The following APEH variants were observed in gnomAD, a reference collection of about 807,000 sequenced individuals.
APEH encodes the protein acylaminoacyl-peptide hydrolase.
APEH carries 75 observed loss-of-function variants against 102.7 expected under a neutral mutation model. The ratio of observed to expected loss-of-function variants is 0.73; its 90% CI spans 0.61 to 0.89. The LOEUF (loss-of-function observed/expected upper bound fraction) is 0.89. APEH is among the 40% of genes least tolerant of loss of function. The pLI is 0.00. For missense variants in APEH, 863 were observed against 941.2 expected (o/e 0.92, Z 1.09); for synonymous variants, 344 against 362.7 (o/e 0.95, Z 0.59).
At chr3:49,682,199 G>T in intron 17 of APEH, 149 bp from the exon 18 acceptor site, 1 of 918,614 alleles carries the variant, frequency 1.1e-6, no homozygotes, top group Non-Finnish European at 1.7e-6. Context: ...CTGGGTGGCA[G>T]CCTCAAATCT....
upstream of APEH, among the ~76,000 whole-genome samples, chr3:49,673,371 C>G (rs1175019132): frequency 6.6e-6 from 1 of 152,050 alleles, no homozygotes; most frequent in African/African-American, 2.4e-5. Flanking sequence ...GTTTTTTCCA[C>G]AGGAAGCTCC....
In APEH at chr3:49,674,707, A is replaced by G; in HGVS notation, c.145+86A>G. ...GGGTGTGGAGGGCTCGCTGCTTGAC[A>G]GTGCGTAAGGGTATATAGGGAGCCG... On this transcript the variant is annotated intron_variant, in intron 2 of 21. Coordinates refer to ENST00000296456, the MANE Select transcript of APEH (RefSeq NM_001640.4). 1 of 1,523,418 alleles carries G rather than the reference A, an allele frequency of 6.6e-7. No individual in the cohort carries two copies. Among genetic ancestry groups the G allele is most frequent in the South Asian group, 1.2e-5 (1 of 83,616 alleles). The allele number at this position is 1,523,418 out of a possible 1,614,324, so 94.4% of individuals were successfully genotyped here. A position where few individuals can be genotyped will look rare whatever the true frequency, so the allele number is the denominator to read the frequency against.
At position 49,674,540 on chromosome 3, in the gene APEH, C is replaced by T. The variant is rs2052926743; in HGVS notation, c.64C>T (p.Arg22Cys). ...EAAALYRGLS[R>C]QPALSAACLG... is the part of the protein sequence containing the mutation. ...GGCGGCTCTGTATCGGGGCCTTAGC[C>T]GCCAGCCCGCGCTGAGCGCCGCCTG... The change falls in exon 2 of 22, where the codon CGC becomes TGC. Residue 22 changes from arginine to cysteine, a missense_variant. Transcript: ENST00000296456. 1.9e-6 allele frequency: 3 copies of T among 1,564,524 alleles called. No individual in the cohort carries two copies. The highest frequency in any genetic ancestry group is 1.3e-5 in the African/African-American group (1 of 74,672).
Position 49,679,736 on chromosome 3 carries a change from T to C in APEH, c.1210+92T>C, listed in dbSNP as rs2053234322. The C allele has an allele frequency of 7.5e-7, 1 of 1,337,468 alleles. No homozygotes were observed. 82.9% of individuals were successfully genotyped at this position (1,337,468 alleles called of 1,614,324 possible). On this transcript the variant is annotated intron_variant, in intron 13 of 21. Transcript: ENST00000296456. This position sits in a 1 kb window ranked among gnomAD's most constrained non-coding sequence, Gnocchi z 4.3. Reference sequence around the variant, plus strand: ...ACTGGAGCTCCAACATGTGGGGCAGTGATGGCATTCTCAGCCACTCAGCAC... The same window carrying C: ...ACTGGAGCTCCAACATGTGGGGCAGCGATGGCATTCTCAGCCACTCAGCAC...
upstream of APEH, chr3:49,674,135 C>A: frequency 3.7e-6 from 2 of 537,388 alleles, no homozygotes; most frequent in South Asian, 4.8e-5. Context: ...ACTCAGCCCA[C>A]GGCCCCGCCC....
chr3:49,675,565 G>T, intron 3 of APEH, 129 bp from the exon 4 acceptor site: 1 of 1,048,392 alleles, frequency 9.5e-7, no homozygotes. Flanking sequence ...GGCAAGGTGG[G>T]GCTAGAGGTG....
chr3:49,673,687 C>T (rs952581593), upstream of APEH, among the ~76,000 whole-genome samples: 3 of 152,196 alleles, frequency 2.0e-5, no homozygotes, highest in Non-Finnish European at 2.9e-5. Context: ...AGGGCAGGGC[C>T]TGGCACTGTG....
In APEH at chr3:49,682,795, C is replaced by T. The variant is rs1377490007; in HGVS notation, c.1884-48C>T. The stretch of plus-strand genomic sequence containing the variant: ...CCTCTACCTCAAATTCTCATGGAGC[C>T]CCGTAGCCCCAGAATTCCTGGGGCT... On this transcript the variant is annotated intron_variant, in intron 19 of 21. Transcript: ENST00000296456. 4 of 1,613,448 alleles carry T rather than the reference C, an allele frequency of 2.5e-6. No homozygotes were observed. The South Asian group carries it at 3.3e-5, about 13-fold the overall frequency.
rs565104019 is a variant in APEH, at chr3:49,675,465, A to G, written c.272+156A>G. ...TTTCTGGTGACATGGCCTGATAAGCACTGGAAGCTTGCTCCAAACTCAGCC... is the reference window on the plus strand; with the variant it reads ...TTTCTGGTGACATGGCCTGATAAGCGCTGGAAGCTTGCTCCAAACTCAGCC... On this transcript the variant is annotated intron_variant, in intron 3 of 21. Transcript: ENST00000296456. The G allele has an allele frequency of 9.3e-6, 11 of 1,178,728 alleles. No individual in the cohort carries two copies. In the Admixed American group the frequency reaches 2.6e-4, roughly 28 times the overall value. 73.0% of individuals were successfully genotyped at this position (1,178,728 alleles called of 1,614,324 possible). A position where few individuals can be genotyped will look rare whatever the true frequency, so the allele number is the denominator to read the frequency against.
rs1361495309 is a variant in APEH, at chr3:49,678,870, A to C, written c.1079A>C (p.Tyr360Ser). The change falls in exon 12 of 22, where the codon TAC becomes TCC. Residue 360 changes from tyrosine to serine, a missense_variant. Coordinates refer to ENST00000296456, the MANE Select transcript of APEH (RefSeq NM_001640.4). The stretch of plus-strand genomic sequence containing the variant: ...TTTACAGAGAACTTCTCTGGGATCT[A>C]CTGCAGCCTTCTGCCTTTGGGATGC... ...RQLGENFSGI[Y>S]CSLLPLGCWS... is the part of the protein sequence containing the mutation. 1 of 1,613,504 alleles carries C rather than the reference A, an allele frequency of 6.2e-7. No individual in the cohort carries two copies. The highest frequency in any genetic ancestry group is 1.3e-5 in the African/African-American group (1 of 74,866).
intron 11 of APEH, among the ~76,000 whole-genome samples, chr3:49,678,134 G>C (rs532824704): frequency 2.1e-4 from 32 of 152,286 alleles, no homozygotes; most frequent in African/African-American, 7.2e-4. Context: ...TGGCTGAGAG[G>C]CTCCCGTCTC....
intron 15 of APEH, 105 bp from the exon 16 acceptor site, chr3:49,681,617 C>T: frequency 9.2e-7 from 1 of 1,085,952 alleles, no homozygotes; most frequent in Non-Finnish European, 1.3e-6. Flanking sequence ...CTACCTTGGC[C>T]AGGTCTCTGA....
chr3:49,675,585 C>T, intron 3 of APEH, 109 bp from the exon 4 acceptor site: 1 of 1,171,896 alleles, frequency 8.5e-7, no homozygotes, highest in Non-Finnish European at 1.3e-6. Flanking sequence ...GCTCCAGAAG[C>T]TGGTGTGGGG....
At chr3:49,675,439 GT>G in intron 3 of APEH, 130 bp downstream of exon 3, 2 of 1,349,794 alleles carry the variant, frequency 1.5e-6, no homozygotes, top group Non-Finnish European at 1.0e-6. Context: ...AGCTCATTCA[GT>G]TTCTGGTGAC....
rs775850110 is a variant in APEH at position 49,675,231 on chromosome 3, G to A, written c.194G>A (p.Arg65His). ...LERMENIRFC[R>H]QYLVFHDGDS... Reference sequence around the variant, plus strand: ...CGCATGGAGAACATTCGATTCTGCCGCCAATACCTGGTGTTCCATGACGGG... The same window carrying A: ...CGCATGGAGAACATTCGATTCTGCCACCAATACCTGGTGTTCCATGACGGG... Residue 65 changes from arginine (R) to histidine (H), a missense_variant, in exon 3 of 22, where the codon CGC becomes CAC. By Grantham distance (29) the Arg-to-His change is conservative. Coordinates refer to ENST00000296456, the MANE Select transcript of APEH (RefSeq NM_001640.4). The A allele has an allele frequency of 4.6e-5, 74 of 1,613,962 alleles. No homozygotes were observed. Among genetic ancestry groups the A allele is most frequent in the Admixed American group, 8.3e-5 (5 of 60,002 alleles).
rs2053376449 is a variant in APEH at position 49,682,375 on chromosome 3, G to A, written c.1631G>A (p.Gly544Asp). 1 of 1,613,778 alleles carries A rather than the reference G, an allele frequency of 6.2e-7. No individual in the cohort carries two copies. The highest frequency in any genetic ancestry group is 1.3e-5 in the African/African-American group (1 of 74,912). Residue 544 changes from glycine (G) to aspartate (D), a missense_variant, in exon 18 of 22, where the codon GGC (glycine) becomes GAC (aspartate). Physicochemically the swap from Gly to Asp is moderately conservative, Grantham distance 94. Coordinates refer to ENST00000296456, the MANE Select transcript of APEH (RefSeq NM_001640.4). ...LVNYRGSTGF[G>D]QDSILSLPGN... ...AACTATCGTGGCTCCACGGGCTTTG[G>A]CCAGGACAGCATCCTCTCCCTCCCA...
At position 49,675,405 on chromosome 3, in the gene APEH, C is replaced by T. The variant is rs549972070; in HGVS notation, c.272+96C>T. ...ACCATGTGCCTAGAAGGGAGGCCAG[C>T]AGCCAGGTTCTTGCCCCCTTGGGAG... is the stretch of plus-strand genomic sequence containing the variant. On this transcript the variant is annotated intron_variant, in intron 3 of 21. Coordinates refer to ENST00000296456, the MANE Select transcript of APEH (RefSeq NM_001640.4). 7.2e-6 allele frequency: 11 copies of T among 1,520,184 alleles called. No individual in the cohort carries two copies. In the East Asian group the frequency reaches 1.7e-4, roughly 23 times the overall value. The allele number at this position is 1,520,184 out of a possible 1,614,324, so 94.2% of individuals were successfully genotyped here.
rs2052975170 is a variant in APEH, at chr3:49,675,281, G to A, written c.244G>A (p.Ala82Thr). 2 of 1,613,994 alleles carry A rather than the reference G, an allele frequency of 1.2e-6. No individual in the cohort carries two copies. The highest frequency in any genetic ancestry group is 1.7e-6 in the Non-Finnish European group (2 of 1,179,958). The change falls in exon 3 of 22, where the codon GCA becomes ACA. Residue 82 changes from alanine (A) to threonine (T), a missense_variant. Transcript: ENST00000296456. ...DGDSVVFAGPAGNSVETRGEL... is the reference protein window; with the variant it reads ...DGDSVVFAGPTGNSVETRGEL... ...GGACTCAGTGGTGTTTGCAGGACCTGCAGGCAACAGTGTGGAGACCCGGGG... is the reference window on the plus strand; with the variant it reads ...GGACTCAGTGGTGTTTGCAGGACCTACAGGCAACAGTGTGGAGACCCGGGG...
At position 49,683,669 on chromosome 3, in the gene APEH, A is replaced by G; in HGVS notation, c.*327A>G. 1 of 461,312 alleles carries G rather than the reference A, an allele frequency of 2.2e-6. No homozygotes were observed. Among genetic ancestry groups the G allele is most frequent in the East Asian group, 4.3e-5 (1 of 23,506 alleles). The allele number at this position is 461,312 out of a possible 1,614,324, so 28.6% of individuals were successfully genotyped here. A position where few individuals can be genotyped will look rare whatever the true frequency, so the allele number is the denominator to read the frequency against. ...GGCTTAGCCTCTGCCTGTCCTGGCA[A>G]CCAGGACTCTGTACCAGCCTAGCTT... On this transcript the variant is annotated 3_prime_UTR_variant, in exon 22 of 22. Coordinates refer to ENST00000296456, the MANE Select transcript of APEH (RefSeq NM_001640.4).
Sources: gnomAD v4.1 joint callset for allele counts (sites outside exome capture counted in the v4.1 genomes callset) on GRCh38, gnomAD v4.1.1 for gene constraint, Gnocchi (gnomAD v3.1) non-coding constraint, MANE v1.5 for transcripts, NCBI Gene and HGNC (gene_info 2026-07-23, HGNC 2026-07-21) for gene names.